Variants in INTS9 observed in about 807,000 individuals in gnomAD.
INTS9 encodes the protein integrator complex subunit 9.
Under a neutral mutation model 79.7 loss-of-function variants are expected in INTS9, and 55 were observed. The observed-to-expected ratio is 0.69, with a 90% confidence interval of 0.56 to 0.86. The LOEUF is 0.86. Among genes scored for constraint, INTS9 ranks in the 40% least tolerant of loss-of-function variants. The pLI, the probability that INTS9 is intolerant of heterozygous loss-of-function variation, is 0.00. For missense variants in INTS9, 721 were observed against 831.5 expected (o/e 0.87, Z 1.64); for synonymous variants, 319 against 325.2 (o/e 0.98, Z 0.20).
At chr8:28,846,070 G>A (rs1040672838) in intron 4 of INTS9, among the ~76,000 whole-genome samples, 1 of 152,168 alleles carries the variant, frequency 6.6e-6, no homozygotes, top group African/African-American at 2.4e-5. Flanking sequence ...AAAAGAGGAT[G>A]GCAGCTTCTC....
At chr8:28,787,447 C>A (rs1803672674) in intron 11 of INTS9, among the ~76,000 whole-genome samples, 1 of 152,132 alleles carries the variant, frequency 6.6e-6, no homozygotes, top group African/African-American at 2.4e-5. Context: ...GCTGAGCATC[C>A]CTAATCCAAA....
chr8:28,889,695 G>T, intron 1 of INTS9, 179 bp downstream of exon 1: 1 of 617,664 alleles, frequency 1.6e-6, no homozygotes, highest in Non-Finnish European at 2.9e-6. Context: ...GATGGGGTGG[G>T]GGAGAGGGAA....
At chr8:28,772,262 C>T (rs146490321) in intron 14 of INTS9, among the ~76,000 whole-genome samples, 14,019 of 152,292 alleles carry the variant, frequency 0.092, 839 homozygotes, top group Non-Finnish European at 0.14. Context: ...CGGTGGCTCA[C>T]GCCTGTAATT....
chr8:28,855,482 C>G (rs1476485472), intron 2 of INTS9, among the ~76,000 whole-genome samples: 3 of 152,222 alleles, frequency 2.0e-5, no homozygotes, highest in Non-Finnish European at 4.4e-5. Flanking sequence ...CTACCAAAAA[C>G]AGTAACCCCA....
intron 1 of INTS9, among the ~76,000 whole-genome samples, chr8:28,870,916 C>G (rs1809055944): frequency 6.6e-6 from 1 of 152,044 alleles, no homozygotes; most frequent in African/African-American, 2.4e-5. Context: ...AAGTTTACAC[C>G]CCTTTAGTCA....
At chr8:28,803,353 T>C (rs1452737227) in intron 8 of INTS9, among the ~76,000 whole-genome samples, 3 of 152,238 alleles carry the variant, frequency 2.0e-5, no homozygotes, top group Non-Finnish European at 4.4e-5. Context: ...TCCATTCATT[T>C]GATTAGCCAG....
intron 10 of INTS9, among the ~76,000 whole-genome samples, chr8:28,790,575 G>A (rs1035362357): frequency 1.3e-5 from 2 of 152,220 alleles, no homozygotes; most frequent in East Asian, 1.9e-4. Context: ...CAATCCTCCC[G>A]CCTTGGCCTC....
At chr8:28,869,277 A>T (rs1217786784) in intron 1 of INTS9, among the ~76,000 whole-genome samples, 2 of 152,182 alleles carry the variant, frequency 1.3e-5, no homozygotes, top group African/African-American at 2.4e-5. Flanking sequence ...TCTGGGCTCC[A>T]GCAAGTGATC....
At chr8:28,811,005 T>A (rs943663504) in intron 8 of INTS9, among the ~76,000 whole-genome samples, 17 of 152,236 alleles carry the variant, frequency 1.1e-4, no homozygotes, top group Non-Finnish European at 1.8e-4. Context: ...TAGCCTTCTC[T>A]GCCCTTCAAA....
chr8:28,885,383 GGATTAACAT>G (rs1810128877), intron 1 of INTS9, among the ~76,000 whole-genome samples: 1 of 152,076 alleles, frequency 6.6e-6, no homozygotes, highest in Admixed American at 6.5e-5. Flanking sequence ...CCCTCCCAAA[GGATTAACAT>G]TAATCTTAAA....
chr8:28,769,811 T>C, intron 16 of INTS9, 78 bp downstream of exon 16: 2 of 1,564,372 alleles, frequency 1.3e-6, no homozygotes, highest in South Asian at 1.2e-5. Context: ...ATCCACTCCC[T>C]GCAGCCAGGG....
chr8:28,885,390 C>T (rs549925363), intron 1 of INTS9, among the ~76,000 whole-genome samples: 38 of 152,306 alleles, frequency 2.5e-4, no homozygotes, highest in African/African-American at 9.1e-4. Context: ...AAAGGATTAA[C>T]ATTAATCTTA....
intron 1 of INTS9, among the ~76,000 whole-genome samples, chr8:28,861,423 C>G (rs930051856): frequency 2.8e-4 from 42 of 152,154 alleles, no homozygotes; most frequent in African/African-American, 1.0e-3. Context: ...TTTCCTATAT[C>G]TCTCCTTTCA....
chr8:28,789,319 T>A (rs1274617948), intron 10 of INTS9, among the ~76,000 whole-genome samples: 4 of 152,190 alleles, frequency 2.6e-5, no homozygotes, highest in African/African-American at 9.7e-5. Context: ...AGGCCAGTTC[T>A]GCTAACAGAT....
intron 6 of INTS9, among the ~76,000 whole-genome samples, chr8:28,814,684 C>T (rs1370731927): frequency 2.6e-5 from 4 of 152,122 alleles, no homozygotes; most frequent in Non-Finnish European, 5.9e-5. Flanking sequence ...AAAGTCTGGA[C>T]TACGGGAAAC....
intron 6 of INTS9, among the ~76,000 whole-genome samples, chr8:28,829,108 C>T (rs1427104996): frequency 6.6e-6 from 1 of 152,156 alleles, no homozygotes; most frequent in African/African-American, 2.4e-5. Context: ...ATGAGGATGA[C>T]AATATCTTGT....
Position 28,793,971 on chromosome 8 carries a change from A to AT in INTS9, c.872dup (p.Asn291LysfsTer17). Reference sequence around the variant, plus strand: ...AGCAGGGAACCAACACGTTTCCTCCATTCCGGACTGTCAGAGCTAGAAAAG... The same window carrying AT: ...AGCAGGGAACCAACACGTTTCCTCCATTTCCGGACTGTCAGAGCTAGAAAAG... On this transcript the variant is annotated frameshift_variant, in exon 10 of 17. Transcript: ENST00000521022. LOFTEE classifies it high-confidence loss of function. 1 of 1,596,852 alleles carries AT rather than the reference A, an allele frequency of 6.3e-7. No homozygotes were observed.
intron 6 of INTS9, among the ~76,000 whole-genome samples, chr8:28,824,302 A>T (rs1432483499): frequency 6.6e-6 from 1 of 152,164 alleles, no homozygotes; most frequent in Non-Finnish European, 1.5e-5. Context: ...TCCTTCCCCC[A>T]ACTTTAATGA....
intron 1 of INTS9, among the ~76,000 whole-genome samples, chr8:28,874,173 T>G (rs1332753241): frequency 6.6e-6 from 1 of 152,226 alleles, no homozygotes; most frequent in African/African-American, 2.4e-5. Context: ...ACTTTCTGAT[T>G]TCACATTCCA....
Sources: gnomAD v4.1 joint callset for allele counts (sites outside exome capture counted in the v4.1 genomes callset) on GRCh38, gnomAD v4.1.1 for gene constraint, MANE v1.5 for transcripts, NCBI Gene and HGNC (gene_info 2026-07-23, HGNC 2026-07-21) for gene names.